Variants in CD82 observed in about 807,000 individuals in gnomAD.
CD82 encodes CD82 molecule, also known as CD82 antigen.
In CD82, 36 loss-of-function variants were observed where a neutral mutation model predicts 37.4. The ratio of observed to expected loss-of-function variants is 0.96; its 90% CI spans 0.74 to 1.27. The LOEUF is 1.27. Ranked by LOEUF, CD82 falls within the 50% of genes most tolerant of loss-of-function variation. The pLI, the probability that CD82 is intolerant of heterozygous loss-of-function variation, is 0.00. For synonymous variants in CD82, 158 were observed against 137.4 expected (o/e 1.15, Z -1.05); for missense variants, 340 against 347.0 (o/e 0.98, Z 0.16).
chr11:44,584,379 C>T (rs977226520), intron 1 of CD82, among the ~76,000 whole-genome samples: 3 of 152,260 alleles, frequency 2.0e-5, no homozygotes, highest in Non-Finnish European at 2.9e-5. Flanking sequence ...CTCTGCTTCC[C>T]GGGTTCAAGC....
chr11:44,603,426 G>A (rs1163157174), intron 4 of CD82, among the ~76,000 whole-genome samples: 2 of 152,182 alleles, frequency 1.3e-5, no homozygotes, highest in South Asian at 2.1e-4. Flanking sequence ...CCAGGGAGTC[G>A]TGGCCAGCCC....
At chr11:44,595,559 T>C (rs993903828) in intron 3 of CD82, among the ~76,000 whole-genome samples, 1 of 152,172 alleles carries the variant, frequency 6.6e-6, no homozygotes, top group Non-Finnish European at 1.5e-5. Flanking sequence ...GTTTTAAATG[T>C]ACGTATTCAT....
chr11:44,605,442 C>G lies in CD82; in HGVS notation c.336+13C>G, dbSNP rs771925669. ...CAACATGGGCAAGGTAAGCCCCTCTCTCCCTCCCTCTTCACTGGGCTGGAC... is the reference window on the plus strand; with the variant it reads ...CAACATGGGCAAGGTAAGCCCCTCTGTCCCTCCCTCTTCACTGGGCTGGAC... On this transcript the variant is annotated intron_variant, in intron 6 of 9. Transcript: ENST00000227155. 8 of 1,612,274 alleles carry G rather than the reference C, an allele frequency of 5.0e-6. No homozygotes were observed. Among genetic ancestry groups the G allele is most frequent in the Middle Eastern group, 1.6e-4 (1 of 6,062 alleles).
At chr11:44,581,250 G>C (rs1413169415) in intron 1 of CD82, among the ~76,000 whole-genome samples, 1 of 152,186 alleles carries the variant, frequency 6.6e-6, no homozygotes, top group Non-Finnish European at 1.5e-5. Context: ...AGGGGCTCTG[G>C]GAGGGTCAGA....
chr11:44,616,483 G>A (rs1439550265), intron 7 of CD82, among the ~76,000 whole-genome samples: 1 of 152,188 alleles, frequency 6.6e-6, no homozygotes, highest in Non-Finnish European at 1.5e-5. Flanking sequence ...TCCCTTGGGA[G>A]GTGGTAAGCA....
At chr11:44,582,034 A>C (rs1374913530) in intron 1 of CD82, among the ~76,000 whole-genome samples, 2 of 152,136 alleles carry the variant, frequency 1.3e-5, no homozygotes, top group African/African-American at 2.4e-5. Context: ...CTGCCTTGAG[A>C]TTGCCTTGGT....
At chr11:44,594,402 CA>C (rs1211874899) in intron 2 of CD82, among the ~76,000 whole-genome samples, 1 of 152,144 alleles carries the variant, frequency 6.6e-6, no homozygotes, top group Non-Finnish European at 1.5e-5. Context: ...GCCCCAGCCC[CA>C]GCCCCAGCCC....
In CD82 at chr11:44,618,589, G is replaced by A. The variant is rs375815891; in HGVS notation, c.643-51G>A. On this transcript the variant is annotated intron_variant, in intron 8 of 9. Transcript: ENST00000227155. ...GGGGCTCTCGGTGGTTCTGCATGGCGGGGTGGGATGGTGCAGAGCGGGGTG... is the reference window on the plus strand; with the variant it reads ...GGGGCTCTCGGTGGTTCTGCATGGCAGGGTGGGATGGTGCAGAGCGGGGTG... 7.0e-5 allele frequency: 102 copies of A among 1,453,698 alleles called. 1 individual carries two copies. In the African/African-American group the frequency reaches 9.8e-4, roughly 14 times the overall value. 90.0% of individuals were successfully genotyped at this position (1,453,698 alleles called of 1,614,324 possible).
intron 1 of CD82, among the ~76,000 whole-genome samples, chr11:44,576,110 T>C (rs1852888218): frequency 6.6e-6 from 1 of 152,240 alleles, no homozygotes; most frequent in Non-Finnish European, 1.5e-5. Context: ...AGTAACGTGA[T>C]CTTCTTCCAA....
chr11:44,609,680 G>C (rs1028401401), intron 6 of CD82, among the ~76,000 whole-genome samples: 1 of 152,226 alleles, frequency 6.6e-6, no homozygotes, highest in African/African-American at 2.4e-5. Context: ...GTGGTTCTCT[G>C]TGAACTGTCT....
At chr11:44,572,383 G>GA in intron 1 of CD82, among the ~76,000 whole-genome samples, 1 of 152,208 alleles carries the variant, frequency 6.6e-6, no homozygotes, top group Middle Eastern at 3.4e-3. Flanking sequence ...TTATGCTCAA[G>GA]AAAAAACCCA....
chr11:44,618,061 A>C, intron 7 of CD82, 101 bp from the exon 8 acceptor site: 1 of 965,040 alleles, frequency 1.0e-6, no homozygotes, highest in Non-Finnish European at 1.6e-6. Flanking sequence ...TGGAAGTGGC[A>C]TATCTCAGTC....
chr11:44,595,623 G>C (rs959023349), intron 3 of CD82, among the ~76,000 whole-genome samples: 1 of 152,080 alleles, frequency 6.6e-6, no homozygotes, highest in African/African-American at 2.4e-5. Flanking sequence ...TTAATGTTGG[G>C]ATTCTTGGGA....
chr11:44,608,386 A>G (rs1853430272), intron 6 of CD82, among the ~76,000 whole-genome samples: 1 of 152,068 alleles, frequency 6.6e-6, no homozygotes, highest in Non-Finnish European at 1.5e-5. Context: ...ATGGCCTGTC[A>G]CCTCTGGAGC....
chr11:44,618,648 G>A lies in CD82; in HGVS notation c.651G>A (p.Met217Ile). Reference protein sequence around the residue: ...EDWPVYQEGCMEKVQAWLQEN... With the variant: ...EDWPVYQEGCIEKVQAWLQEN... ...GCATTCTGCCCTTGCAGGGCTGCAT[G>A]GAGAAGGTGCAGGCGTGGCTGCAGG... The change falls in exon 9 of 10, where the codon ATG (methionine) becomes ATA (isoleucine). Residue 217 changes from methionine (M) to isoleucine (I), a missense_variant. Transcript: ENST00000227155. 1 of 1,611,860 alleles carries A rather than the reference G, an allele frequency of 6.2e-7. No individual in the cohort carries two copies.
At chr11:44,570,475 C>G (rs1203374995) in intron 1 of CD82, among the ~76,000 whole-genome samples, 1 of 152,240 alleles carries the variant, frequency 6.6e-6, no homozygotes, top group East Asian at 1.9e-4. Flanking sequence ...GGATCGATGA[C>G]TGAATGAATA....
intron 1 of CD82, among the ~76,000 whole-genome samples, chr11:44,581,020 C>G (rs912413542): frequency 3.3e-5 from 5 of 152,198 alleles, no homozygotes; most frequent in Non-Finnish European, 7.3e-5. Flanking sequence ...AGGGCCCACA[C>G]CCTTTTGTTA....
intron 6 of CD82, among the ~76,000 whole-genome samples, chr11:44,607,166 T>C (rs1240251012): frequency 1.3e-5 from 2 of 152,368 alleles, no homozygotes; most frequent in South Asian, 4.1e-4. Flanking sequence ...GGAAGGAAAC[T>C]GAGAAAACAC....
chr11:44,598,548 G>T (rs1853262586), intron 3 of CD82, among the ~76,000 whole-genome samples: 1 of 151,528 alleles, frequency 6.6e-6, no homozygotes, highest in South Asian at 2.1e-4. Flanking sequence ...GAGTAGCTGG[G>T]ATTACAGGAC....
Sources: allele counts gnomAD v4.1 joint callset (sites outside exome capture counted in the v4.1 genomes callset), GRCh38; gene constraint gnomAD v4.1.1; transcripts MANE v1.5; gene names NCBI Gene and HGNC (gene_info 2026-07-23, HGNC 2026-07-21).